Variants in ACE observed in about 807,000 individuals in gnomAD.
ACE encodes angiotensin-converting enzyme.
ACE carries 122 observed loss-of-function variants against 162.3 expected under a neutral mutation model. The ratio of observed to expected loss-of-function variants is 0.75; its 90% CI spans 0.65 to 0.87. The LOEUF (loss-of-function observed/expected upper bound fraction) is 0.87, where lower values mean the gene tolerates loss of function less well. Ranked by LOEUF, ACE falls within the 40% of genes least tolerant of loss-of-function variation. The pLI is 0.00. For synonymous variants in ACE, 796 were observed against 720.6 expected, an observed-to-expected ratio of 1.10 and a Z score of -1.68; for missense variants, 1,799 against 1,735.1, an observed-to-expected ratio of 1.04 and a Z score of -0.65.
At chr17:63,487,131 G>A (rs548039120) in intron 15 of ACE, 58 bp downstream of exon 15, 19 of 1,461,014 alleles carry the variant, frequency 1.3e-5, no homozygotes, top group East Asian at 4.5e-5. Context: ...CATGGGGCCC[G>A]GGGGTGCTGG....
In ACE at chr17:63,486,627, A is replaced by G. The variant is rs770923059; in HGVS notation, c.2129A>G (p.Asn710Ser). 9 of 1,614,234 alleles carry G rather than the reference A, an allele frequency of 5.6e-6. No individual in the cohort carries two copies. The highest frequency in any genetic ancestry group is 7.6e-6 in the Non-Finnish European group (9 of 1,180,040). Reference sequence around the variant, plus strand: ...ACCCAGGCCAGGAAGTTTGATGTGAACCAGTTGCAGAACACCACTATCAAG... The same window carrying G: ...ACCCAGGCCAGGAAGTTTGATGTGAGCCAGTTGCAGAACACCACTATCAAG... ...YGTQARKFDV[N>S]QLQNTTIKRI... The change falls in exon 14 of 25, where the codon AAC becomes AGC. Residue 710 changes from asparagine (N) to serine (S), a missense_variant. Asn to Ser is a conservative substitution (Grantham distance 46, BLOSUM62 1). Transcript: ENST00000290866.
At position 63,494,002 on chromosome 17, in the gene ACE, C is replaced by CGCT; in HGVS notation, c.3219_3221dup (p.Arg1073_Trp1074insCys). The CGCT allele has an allele frequency of 6.2e-7, 1 of 1,614,020 alleles. No individual in the cohort carries two copies. Among genetic ancestry groups the CGCT allele is most frequent in the Non-Finnish European group, 8.5e-7 (1 of 1,180,024 alleles). On this transcript the variant is annotated inframe_insertion, in exon 21 of 25. Transcript: ENST00000290866. ...CTTCAGCTACCTCGTCGATCAGTGG[C>CGCT]GCTGGAGGGTATTTGATGGAAGCAT... is the stretch of plus-strand genomic sequence containing the variant.
Position 63,491,059 on chromosome 17 carries a change from C to G in ACE, c.2739+8C>G, listed in dbSNP as rs1396166186. ...GAGGCTATGCTAAAGCAGGTCCGCA[C>G]CAGCCCAGGGGCAGGGAGGCCCCGC... On this transcript the variant is annotated splice_region_variant and intron_variant, in intron 18 of 24. Transcript: ENST00000290866. The surrounding 1 kb of genome is among the most constrained non-coding windows in gnomAD (Gnocchi z 4.4). 4.3e-6 allele frequency: 7 copies of G among 1,614,094 alleles called. No individual in the cohort carries two copies. The highest frequency in any genetic ancestry group is 5.1e-6 in the Non-Finnish European group (6 of 1,179,988).
At chr17:63,494,240 G>A in intron 21 of ACE, 132 bp from the exon 22 acceptor site, 1 of 1,263,158 alleles carries the variant, frequency 7.9e-7, no homozygotes, top group Non-Finnish European at 1.1e-6. Context: ...ATTGTGCACA[G>A]AGGCCCAGCA....
chr17:63,478,230 G>C (rs12709417), intron 2 of ACE, 132 bp downstream of exon 2: 28 of 1,188,736 alleles, frequency 2.4e-5, no homozygotes, highest in Non-Finnish European at 3.1e-5. Context: ...GGAAAGCCCA[G>C]GTAAGCACAG....
chr17:63,480,060 C>A, intron 4 of ACE, 148 bp downstream of exon 4: 1 of 1,319,434 alleles, frequency 7.6e-7, no homozygotes, highest in Non-Finnish European at 1.0e-6. Context: ...TGGGACCGGC[C>A]TGCACCCAGT....
intron 2 of ACE, chr17:63,478,804 T>TCCACAGGCTGC: frequency 1.6e-6 from 1 of 632,308 alleles, no homozygotes. Flanking sequence ...TGTCCCCCAC[T>TCCACAGGCTGC]CCACAGGCTG....
chr17:63,497,865 C>T lies in ACE; in HGVS notation c.*499C>T, dbSNP rs899274404. ...TGTCTGGCCCAAGCACTGACCCACG[C>T]GGACTCTGGGAAGCAGACATCCTGG... On this transcript the variant is annotated 3_prime_UTR_variant, in exon 25 of 25. Coordinates refer to ENST00000290866, the MANE Select transcript of ACE (RefSeq NM_000789.4). 6 of 281,822 alleles carry T rather than the reference C, an allele frequency of 2.1e-5. No homozygotes were observed. Among genetic ancestry groups the T allele is most frequent in the East Asian group, 1.0e-4 (1 of 9,546 alleles). The allele number at this position is 281,822 out of a possible 1,614,324, so 17.5% of individuals were successfully genotyped here. A position where few individuals can be genotyped will look rare whatever the true frequency, so the allele number is the denominator to read the frequency against.
At position 63,485,509 on chromosome 17, in the gene ACE, G is replaced by A. The variant is rs560712701; in HGVS notation, c.2058+137G>A. On this transcript the variant is annotated intron_variant, in intron 13 of 24. Transcript: ENST00000290866. ...CAATACTCAATTTCGGGCCGGGCGCGGTGGCTCACGCCTGTAATCCCAGCA... is the reference window on the plus strand; with the variant it reads ...CAATACTCAATTTCGGGCCGGGCGCAGTGGCTCACGCCTGTAATCCCAGCA... 9.7e-5 allele frequency: 123 copies of A among 1,268,516 alleles called. 1 individual carries two copies. Among genetic ancestry groups the A allele is most frequent in the East Asian group, 1.3e-4 (5 of 39,068 alleles). 78.6% of individuals were successfully genotyped at this position (1,268,516 alleles called of 1,614,324 possible).
chr17:63,497,068 G>C (rs1289723081), intron 24 of ACE, 69 bp from the exon 25 acceptor site: 3 of 1,587,420 alleles, frequency 1.9e-6, no homozygotes, highest in Middle Eastern at 2.2e-4. Context: ...CTCGGAGCCT[G>C]GCCCTGCCCC....
rs1168034637 is a variant in ACE at position 63,497,383 on chromosome 17, C to T, written c.*17C>T. ...CACTCCTGAGGTGACCCGGCTGGGT[C>T]GGCCCTGCCCAAGGGCCTCCCACCA... On this transcript the variant is annotated 3_prime_UTR_variant, in exon 25 of 25. Coordinates refer to ENST00000290866, the MANE Select transcript of ACE (RefSeq NM_000789.4). 5.2e-6 allele frequency: 8 copies of T among 1,545,218 alleles called. No individual in the cohort carries two copies. The African/African-American group carries it at 5.5e-5, about 11-fold the overall frequency.
rs1157181004 is a variant in ACE, at chr17:63,486,545, C to T, written c.2059-12C>T. The T allele has an allele frequency of 6.2e-7, 1 of 1,613,840 alleles. No homozygotes were observed. Among genetic ancestry groups the T allele is most frequent in the Admixed American group, 1.7e-5 (1 of 59,980 alleles). ...TCCTGGGCCCTGTGACACCATCCCCCTGTGCCCTCAGCTGCAGAAGAACAT... is the reference window on the plus strand; with the variant it reads ...TCCTGGGCCCTGTGACACCATCCCCTTGTGCCCTCAGCTGCAGAAGAACAT... On this transcript the variant is annotated splice_polypyrimidine_tract_variant and intron_variant, in intron 13 of 24. Transcript: ENST00000290866.
chr17:63,481,508 T>G (rs2049708662), intron 6 of ACE, 58 bp from the exon 7 acceptor site: 3 of 1,594,180 alleles, frequency 1.9e-6, no homozygotes. Context: ...ACCCCAGCCC[T>G]GTCCCCAGGC....
In ACE at chr17:63,484,552, G is replaced by A. The variant is rs758526702; in HGVS notation, c.1921+11G>A. The A allele has an allele frequency of 5.0e-6, 8 of 1,607,164 alleles. No individual in the cohort carries two copies. Among genetic ancestry groups the A allele is most frequent in the Non-Finnish European group, 5.9e-6 (7 of 1,177,708 alleles). ...ACCCGGAGGGCATAGGTAAAGCCCTGAGTGAGGATGGTGTGGGGCTAAGGT... is the reference window on the plus strand; with the variant it reads ...ACCCGGAGGGCATAGGTAAAGCCCTAAGTGAGGATGGTGTGGGGCTAAGGT... On this transcript the variant is annotated intron_variant, in intron 12 of 24. Transcript: ENST00000290866. This position sits in a 1 kb window ranked among gnomAD's most constrained non-coding sequence, Gnocchi z 4.0.
At position 63,491,192 on chromosome 17, in the gene ACE, A is replaced by G. The variant is rs750971186; in HGVS notation, c.2740-17A>G. 1 of 1,613,424 alleles carries G rather than the reference A, an allele frequency of 6.2e-7. No individual in the cohort carries two copies. Among genetic ancestry groups the G allele is most frequent in the Non-Finnish European group, 8.5e-7 (1 of 1,179,966 alleles). On this transcript the variant is annotated splice_polypyrimidine_tract_variant and intron_variant, in intron 18 of 24. Transcript: ENST00000290866. The surrounding 1 kb of genome is among the most constrained non-coding windows in gnomAD (Gnocchi z 4.4). ...CCCCGGAACCCCCAGTTTGGGCAGA[A>G]CTCCCTCTGCTTGCAGGGCTGGACG... is the stretch of plus-strand genomic sequence containing the variant.
chr17:63,485,350 C>G lies in ACE; in HGVS notation c.2036C>G (p.Thr679Ser). Residue 679 changes from threonine (T) to serine (S), a missense_variant, in exon 13 of 25, where the codon ACC becomes AGC. Thr to Ser is a moderately conservative substitution (Grantham distance 58). Transcript: ENST00000290866. ...AACTGGAACTACAACACCAACATCA[C>G]CACAGAGACCAGCAAGATTCTGGTG... ...EANWNYNTNI[T>S]TETSKILLQK... is the part of the protein sequence containing the mutation. 6.2e-7 allele frequency: 1 copy of G among 1,614,042 alleles called. No individual in the cohort carries two copies. Among genetic ancestry groups the G allele is most frequent in the Non-Finnish European group, 8.5e-7 (1 of 1,180,014 alleles).
rs890761035 is a variant in ACE, at chr17:63,496,936, G to A, written c.3642G>A (p.Leu1214=). ...LLDWLRTENE[L]HGEKLGWPQY... ...ACTGGCTCCGCACGGAGAACGAGCT[G>A]CATGGGGAGAAGCTGGGCTGGCCGC... Residue 1214 remains leucine (L), a synonymous_variant, in exon 24 of 25, where the codon CTG becomes CTA. Coordinates refer to ENST00000290866, the MANE Select transcript of ACE (RefSeq NM_000789.4). The A allele has an allele frequency of 2.5e-6, 4 of 1,613,322 alleles. No homozygotes were observed. The highest frequency in any genetic ancestry group is 1.7e-6 in the Non-Finnish European group (2 of 1,179,958).
In ACE at chr17:63,497,213, C is replaced by T. The variant is rs751789079; in HGVS notation, c.3768C>T (p.Arg1256=). The change falls in exon 25 of 25, where the codon CGC becomes CGT. Residue 1256 remains arginine (R), a synonymous_variant. Transcript: ENST00000290866. ...LGLDLDAQQA[R]VGQWLLLFLG... ...TGGACCTGGATGCGCAGCAGGCCCG[C>T]GTGGGCCAGTGGCTGCTGCTCTTCC... 1.1e-5 allele frequency: 17 copies of T among 1,598,314 alleles called. No homozygotes were observed. The highest frequency in any genetic ancestry group is 4.5e-5 in the South Asian group (4 of 89,240).
At position 63,496,484 on chromosome 17, in the gene ACE, C is replaced by A. The variant is rs755026372; in HGVS notation, c.3471C>A (p.Ile1157=). 9.3e-6 allele frequency: 15 copies of A among 1,614,190 alleles called. No individual in the cohort carries two copies. Among genetic ancestry groups the A allele is most frequent in the Non-Finnish European group, 1.3e-5 (15 of 1,180,046 alleles). The change falls in exon 23 of 25, where the codon ATC becomes ATA. Residue 1157 remains isoleucine, a synonymous_variant. Coordinates refer to ENST00000290866, the MANE Select transcript of ACE (RefSeq NM_000789.4). ...CGGGCCCCCTGCACAAGTGTGACAT[C>A]TACCAGTCCAAGGAGGCCGGGCAGC... ...GHTGPLHKCD[I]YQSKEAGQRL...
Sources: allele counts gnomAD v4.1 joint callset, GRCh38; gene constraint gnomAD v4.1.1; non-coding constraint Gnocchi (gnomAD v3.1); transcripts MANE v1.5; gene names NCBI Gene and HGNC (gene_info 2026-07-23, HGNC 2026-07-21).